Variants in SPMAP2L observed in about 807,000 individuals in gnomAD.
The protein encoded by SPMAP2L is sperm microtubule associated protein 2 like.
the SPMAP2L span, among the ~76,000 whole-genome samples, chr4:56,534,608 C>T: frequency 5.3e-5 from 8 of 152,112 alleles, no homozygotes; most frequent in African/African-American, 1.4e-4. Flanking sequence ...TTATCGTCCC[C>T]GCTTGAATAT....
chr4:56,625,408 T>C, the SPMAP2L span, among the ~76,000 whole-genome samples: 1 of 152,104 alleles, frequency 6.6e-6, no homozygotes, highest in Middle Eastern at 3.2e-3. Flanking sequence ...CATGATTGGT[T>C]TTGAAATGTG....
the SPMAP2L span, among the ~76,000 whole-genome samples, chr4:56,592,697 C>T: frequency 1.3e-5 from 2 of 151,972 alleles, no homozygotes; most frequent in East Asian, 3.9e-4. Flanking sequence ...GCTCCTGGGC[C>T]GCGGGGTCGG....
chr4:56,583,552 T>A, the SPMAP2L span, among the ~76,000 whole-genome samples: 4 of 152,160 alleles, frequency 2.6e-5, no homozygotes, highest in East Asian at 3.9e-4. Flanking sequence ...AGAAAAAAAA[T>A]TTTCCATATT....
the SPMAP2L span, among the ~76,000 whole-genome samples, chr4:56,543,891 A>AGTGT: frequency 2.1e-4 from 26 of 123,732 alleles, no homozygotes; most frequent in Non-Finnish European, 3.1e-4. Context: ...AGAGAGAGAG[A>AGTGT]GAGAGTGTGT....
At chr4:56,565,820 A>G in the SPMAP2L span, among the ~76,000 whole-genome samples, 1 of 152,186 alleles carries the variant, frequency 6.6e-6, no homozygotes, top group Non-Finnish European at 1.5e-5. Flanking sequence ...TAAGGGATAC[A>G]GTTAACCCCT....
chr4:56,603,801 G>T, the SPMAP2L span, among the ~76,000 whole-genome samples: 6 of 152,128 alleles, frequency 3.9e-5, no homozygotes, highest in Non-Finnish European at 8.8e-5. Context: ...AAAAAGTGAA[G>T]CTCTTTTGGA....
At chr4:56,606,681 G>A in the SPMAP2L span, among the ~76,000 whole-genome samples, 1 of 152,154 alleles carries the variant, frequency 6.6e-6, no homozygotes, top group South Asian at 2.1e-4. Flanking sequence ...AGGAGGTTGT[G>A]TGAAGCAAGA....
chr4:56,624,214 G>C, the SPMAP2L span, among the ~76,000 whole-genome samples: 11 of 152,300 alleles, frequency 7.2e-5, no homozygotes, highest in Non-Finnish European at 7.3e-5. Context: ...ATTTGAACTT[G>C]AGAGAGATGA....
the SPMAP2L span, among the ~76,000 whole-genome samples, chr4:56,605,520 T>G: frequency 6.6e-6 from 1 of 152,238 alleles, no homozygotes; most frequent in Non-Finnish European, 1.5e-5. Flanking sequence ...TGGATGCTGA[T>G]GAAATGCCTA....
At chr4:56,546,655 A>G in the SPMAP2L span, among the ~76,000 whole-genome samples, 1 of 152,248 alleles carries the variant, frequency 6.6e-6, no homozygotes, top group African/African-American at 2.4e-5. Context: ...AACTTTACCT[A>G]TAGGAGAAAT....
At chr4:56,620,877 C>T in the SPMAP2L span, among the ~76,000 whole-genome samples, 1 of 152,154 alleles carries the variant, frequency 6.6e-6, no homozygotes, top group Admixed American at 6.5e-5. Flanking sequence ...TGAGAGTGCC[C>T]CTTCAGTTAG....
At chr4:56,570,724 C>T in the SPMAP2L span, among the ~76,000 whole-genome samples, 1 of 134,264 alleles carries the variant, frequency 7.4e-6, no homozygotes, top group African/African-American at 3.6e-5. Flanking sequence ...TGAAGTTATA[C>T]TGTTTATGAA....
At chr4:56,619,574 C>G in the SPMAP2L span, among the ~76,000 whole-genome samples, 1 of 152,192 alleles carries the variant, frequency 6.6e-6, no homozygotes, top group Non-Finnish European at 1.5e-5. Context: ...GGATTTCCTT[C>G]TTTGTTAAGG....
At chr4:56,545,026 G>T in the SPMAP2L span, among the ~76,000 whole-genome samples, 2 of 152,336 alleles carry the variant, frequency 1.3e-5, no homozygotes, top group South Asian at 4.1e-4. Context: ...CGGCGCAGCT[G>T]TGTCAGTGTA....
chr4:56,613,521 G>A, the SPMAP2L span, among the ~76,000 whole-genome samples: 1 of 152,290 alleles, frequency 6.6e-6, no homozygotes, highest in African/African-American at 2.4e-5. Context: ...GGATGGCTGC[G>A]ACTCAGGCAG....
chr4:56,565,229 T>G, the SPMAP2L span, among the ~76,000 whole-genome samples: 1 of 152,250 alleles, frequency 6.6e-6, no homozygotes, highest in Non-Finnish European at 1.5e-5. Flanking sequence ...GATATTCTGT[T>G]TACTTACTTG....
the SPMAP2L span, among the ~76,000 whole-genome samples, chr4:56,560,341 C>T: frequency 2.6e-5 from 4 of 152,166 alleles, no homozygotes; most frequent in Non-Finnish European, 4.4e-5. Context: ...ATCTTCTTCA[C>T]CTTGCCCTCT....
At chr4:56,540,526 G>C in the SPMAP2L span, among the ~76,000 whole-genome samples, 2 of 152,052 alleles carry the variant, frequency 1.3e-5, no homozygotes, top group Non-Finnish European at 2.9e-5. Context: ...CTGGGTGACA[G>C]AGTGAGACTC....
chr4:56,541,061 G>C, the SPMAP2L span, among the ~76,000 whole-genome samples: 6 of 152,208 alleles, frequency 3.9e-5, no homozygotes, highest in Non-Finnish European at 5.9e-5. Flanking sequence ...TTACGTCATA[G>C]CTGTGTGTCT....
Sources: gnomAD v4.1 joint callset for allele counts (sites outside exome capture counted in the v4.1 genomes callset) on GRCh38, gnomAD v4.1.1 for gene constraint, MANE v1.5 for transcripts, NCBI Gene and HGNC (gene_info 2026-07-23, HGNC 2026-07-21) for gene names.